The following CLN3 variants were observed in gnomAD, a reference collection of about 807,000 sequenced individuals.
CLN3 encodes the protein battenin.
In CLN3, 49 loss-of-function variants were observed where a neutral mutation model predicts 60.7. The ratio of observed to expected loss-of-function variants is 0.81; its 90% CI spans 0.64 to 1.02. The LOEUF is 1.02. Among genes scored for constraint, CLN3 ranks in the 50% least tolerant of loss-of-function variants. The probability of loss-of-function intolerance (pLI) is 0.00; values close to 1 mark genes in which losing one functional copy is unlikely to be tolerated. For synonymous variants in CLN3, 256 were observed against 245.8 expected, an observed-to-expected ratio of 1.04 and a Z score of -0.39; for missense variants, 516 against 557.4, an observed-to-expected ratio of 0.93 and a Z score of 0.75.
At chr16:28,474,527 G>C (rs1363594206), downstream of CLN3, among the ~76,000 whole-genome samples, 1 of 152,094 alleles carries the variant, frequency 6.6e-6, no homozygotes, top group African/African-American at 2.4e-5. Context: ...AGGTTGCGGT[G>C]GAAAAAGAAT....
chr16:28,491,908 G>A, intron 1 of CLN3, 73 bp from the exon 2 acceptor site: 1 of 1,041,330 alleles, frequency 9.6e-7, no homozygotes, highest in Non-Finnish European at 1.4e-6. Context: ...CTCGCGCCCC[G>A]CGATCCATCA....
intron 14 of CLN3, among the ~76,000 whole-genome samples, chr16:28,481,704 GA>G (rs1359934507): frequency 1.3e-5 from 2 of 151,818 alleles, no homozygotes; most frequent in East Asian, 3.9e-4. Flanking sequence ...CCTGTGCTAA[GA>G]AATGATAGTG....
chr16:28,479,529 G>C (rs1026416364), intron 14 of CLN3: 3 of 152,772 alleles, frequency 2.0e-5, no homozygotes, highest in African/African-American at 7.2e-5. Context: ...GGAGGTTGCA[G>C]TGAGCCAAGA....
In CLN3 at chr16:28,488,583, G is replaced by C. The variant is rs775051508; in HGVS notation, c.294+8C>G. ...GTCAGGCAAGGACCAGGTGAGATGA[G>C]TACGCACAGCCGTAGAGACAGAGTT... On this transcript the variant is annotated splice_region_variant and intron_variant, in intron 5 of 15. Coordinates refer to ENST00000636147, the MANE Select transcript of CLN3 (RefSeq NM_001042432.2). The C allele has an allele frequency of 5.0e-6, 8 of 1,613,872 alleles. No individual in the cohort carries two copies. The highest frequency in any genetic ancestry group is 3.3e-5 in the South Asian group (3 of 91,070).
intron 13 of CLN3, 35 bp from the exon 14 acceptor site, chr16:28,482,233 C>A (rs201945780): frequency 6.2e-7 from 1 of 1,604,648 alleles, no homozygotes; most frequent in Admixed American, 1.7e-5. Flanking sequence ...GAGGAGGCTC[C>A]TCCAGGGACC....
chr16:28,480,224 T>A (rs564257376), intron 14 of CLN3, among the ~76,000 whole-genome samples: 113 of 151,972 alleles, frequency 7.4e-4, no homozygotes, highest in South Asian at 1.0e-3. Flanking sequence ...TTTTTTTTTT[T>A]AATTTTTTGT....
At chr16:28,485,674 C>G (rs1191889960) in intron 9 of CLN3, among the ~76,000 whole-genome samples, 1 of 120,714 alleles carries the variant, frequency 8.3e-6, no homozygotes, top group Non-Finnish European at 1.7e-5. Context: ...CCAACCTGGT[C>G]AACACTGATT....
intron 1 of CLN3, 81 bp downstream of exon 1, chr16:28,491,939 T>G: frequency 1.3e-6 from 1 of 799,056 alleles, no homozygotes; most frequent in South Asian, 1.5e-5. Flanking sequence ...GGGCTCCATC[T>G]CGAGCGCCCT....
intron 10 of CLN3, among the ~76,000 whole-genome samples, chr16:28,482,911 C>G (rs1238693594): frequency 6.6e-6 from 1 of 152,032 alleles, no homozygotes; most frequent in Non-Finnish European, 1.5e-5. Context: ...CAAGACCACC[C>G]TGGCCAACAT....
At chr16:28,486,757 C>A in intron 7 of CLN3, 107 bp from the exon 8 acceptor site, 1 of 1,054,412 alleles carries the variant, frequency 9.5e-7, no homozygotes, top group Non-Finnish European at 1.4e-6. Flanking sequence ...ATAGAGGCTC[C>A]AATAGATCCC....
chr16:28,481,143 G>A (rs1327924064), intron 14 of CLN3, among the ~76,000 whole-genome samples: 2 of 151,942 alleles, frequency 1.3e-5, no homozygotes, highest in African/African-American at 4.8e-5. Flanking sequence ...ACAGGGTCTC[G>A]CTCTATTGCC....
intron 9 of CLN3, chr16:28,485,011 T>C (rs2046181037): frequency 6.6e-6 from 1 of 151,392 alleles, no homozygotes. Flanking sequence ...AGTGGCACAA[T>C]CACGGCTCAC....
intron 14 of CLN3, 45 bp downstream of exon 14, chr16:28,482,060 C>G (rs1458720418): frequency 6.7e-7 from 1 of 1,489,868 alleles, no homozygotes. Flanking sequence ...GGGAGCCAAG[C>G]TGGGAGCCAA....
intron 4 of CLN3, 135 bp from the exon 5 acceptor site, chr16:28,488,797 G>A (rs183925116): frequency 6.9e-5 from 55 of 802,400 alleles, no homozygotes; most frequent in African/African-American, 6.5e-4. Context: ...GGACCTCAGC[G>A]TCTCTGCATG....
At chr16:28,475,664 C>T (rs905929813), downstream of CLN3, 1 of 152,130 alleles carries the variant, frequency 6.6e-6, no homozygotes, top group Non-Finnish European at 1.5e-5. Flanking sequence ...TTTTAAACTC[C>T]AATAGTTACA....
chr16:28,487,199 C>T, intron 7 of CLN3: 1 of 568,510 alleles, frequency 1.8e-6, no homozygotes, highest in Non-Finnish European at 3.2e-6. Context: ...GCATGAGTCA[C>T]TGTGCCTGGT....
intron 3 of CLN3, among the ~76,000 whole-genome samples, chr16:28,490,601 A>T (rs1309081518): frequency 2.0e-5 from 3 of 151,662 alleles, no homozygotes; most frequent in African/African-American, 4.8e-5. Context: ...TCTACTAAAA[A>T]TACAAAAAAA....
chr16:28,485,743 C>T (rs2046202726), intron 9 of CLN3, among the ~76,000 whole-genome samples: 1 of 148,090 alleles, frequency 6.8e-6, no homozygotes, highest in Non-Finnish European at 1.5e-5. Flanking sequence ...CATCCTACTT[C>T]TAATCACCTT....
downstream of CLN3, among the ~76,000 whole-genome samples, chr16:28,473,666 T>C (rs1482738410): frequency 6.6e-6 from 1 of 152,172 alleles, no homozygotes; most frequent in Non-Finnish European, 1.5e-5. Flanking sequence ...GGAGAAAATA[T>C]TTGCAAATCA....
Sources: gnomAD v4.1 joint callset for allele counts (sites outside exome capture counted in the v4.1 genomes callset) on GRCh38, gnomAD v4.1.1 for gene constraint, MANE v1.5 for transcripts, NCBI Gene and HGNC (gene_info 2026-07-23, HGNC 2026-07-21) for gene names.